Variants in PCDHA6 observed in about 807,000 individuals in gnomAD.
The protein encoded by PCDHA6 is protocadherin alpha-6.
Under a neutral mutation model 60.3 loss-of-function variants are expected in PCDHA6, and 55 were observed. That is an observed-to-expected ratio of 0.91 (90% CI 0.73 to 1.14). The LOEUF is 1.14. PCDHA6 is among the 50% of genes most tolerant of loss of function. The probability of loss-of-function intolerance (pLI) is 0.00; values close to 1 mark genes in which losing one functional copy is unlikely to be tolerated. For missense variants in PCDHA6, 1,327 were observed against 1,256.5 expected (o/e 1.06, Z -0.85); for synonymous variants, 652 against 557.9 (o/e 1.17, Z -2.38).
intron 1 of PCDHA6, chr5:140,861,513 T>C: frequency 2.1e-6 from 1 of 470,750 alleles, no homozygotes; most frequent in East Asian, 6.2e-5. Flanking sequence ...CGAGGAGCTG[T>C]GTGGGAGGAT....
chr5:140,930,781 CAATAT>C (rs1259470112), intron 1 of PCDHA6, among the ~76,000 whole-genome samples: 2 of 152,048 alleles, frequency 1.3e-5, no homozygotes, highest in African/African-American at 4.8e-5. Context: ...AATATTTTCA[CAATAT>C]AATAGAATCC....
Position 140,830,098 on chromosome 5 carries a change from G to A in PCDHA6, c.2007G>A (p.Leu669=). The part of the protein sequence containing the change: ...LTATATVLVS[L]VESGQAPKAS... ...CGACGGCCACGGTTCTGGTGTCGCT[G>A]GTGGAGAGTGGCCAGGCTCCAAAGG... is the stretch of plus-strand genomic sequence containing the variant. The change falls in exon 1 of 4, where the codon CTG becomes CTA. Residue 669 remains leucine, a synonymous_variant. Transcript: ENST00000529310. The A allele has an allele frequency of 1.9e-6, 3 of 1,613,644 alleles. No homozygotes were observed. The highest frequency in any genetic ancestry group is 2.5e-6 in the Non-Finnish European group (3 of 1,179,878).
At chr5:140,846,754 A>G (rs1430636894) in intron 1 of PCDHA6, among the ~76,000 whole-genome samples, 1 of 149,442 alleles carries the variant, frequency 6.7e-6, no homozygotes, top group Non-Finnish European at 1.5e-5. Context: ...ACAGATCTCT[A>G]ACAGCATATC....
intron 1 of PCDHA6, chr5:140,836,475 G>A: frequency 6.2e-7 from 1 of 1,613,846 alleles, no homozygotes; most frequent in Non-Finnish European, 8.5e-7. Context: ...GGATGTCAAC[G>A]TGTACCTGAT....
chr5:140,888,754 CT>C (rs782694187), intron 1 of PCDHA6, among the ~76,000 whole-genome samples: 16 of 148,604 alleles, frequency 1.1e-4, no homozygotes, highest in East Asian at 2.0e-4. Flanking sequence ...ATTCTACCCA[CT>C]TTTTTTTTTA....
At chr5:140,868,965 G>A (rs2050767308) in intron 1 of PCDHA6, 1 of 1,430,146 alleles carries the variant, frequency 7.0e-7, no homozygotes, top group Non-Finnish European at 9.4e-7. Flanking sequence ...CCATACAAAG[G>A]AACTCCATCA....
At position 140,829,335 on chromosome 5, in the gene PCDHA6, G is replaced by T. The variant is rs2150166074; in HGVS notation, c.1244G>T (p.Arg415Leu). 2.5e-6 allele frequency: 4 copies of T among 1,614,114 alleles called. No homozygotes were observed. In the African/African-American group the frequency reaches 5.3e-5, roughly 22 times the overall value. ...YSLVLDSALD[R>L]ESVSAYELVV... ...TTGGTGCTGGACAGTGCCCTGGACC[G>T]CGAGAGCGTGTCGGCCTATGAGTTG... The change falls in exon 1 of 4, where the codon CGC (arginine) becomes CTC (leucine). Residue 415 changes from arginine to leucine, a missense_variant. Arg to Leu is a moderately radical substitution (Grantham distance 102, BLOSUM62 -2). Transcript: ENST00000529310.
chr5:140,841,443 A>C (rs2150315650), intron 1 of PCDHA6: 1 of 1,612,892 alleles, frequency 6.2e-7, no homozygotes, highest in Admixed American at 1.7e-5. Context: ...GAGGCCAAAC[A>C]CGGCACCTTC....
chr5:140,883,494 T>C, intron 1 of PCDHA6: 1 of 1,614,208 alleles, frequency 6.2e-7, no homozygotes, highest in Non-Finnish European at 8.5e-7. Flanking sequence ...TCATTAGTGC[T>C]GGACAGCGCC....
chr5:140,966,042 G>T (rs1554228004), intron 1 of PCDHA6, among the ~76,000 whole-genome samples: 1 of 152,152 alleles, frequency 6.6e-6, no homozygotes, highest in Admixed American at 6.5e-5. Context: ...AGTTCCCATC[G>T]CCAGTAACCC....
At chr5:140,915,012 C>T (rs2076943122) in intron 1 of PCDHA6, among the ~76,000 whole-genome samples, 1 of 144,844 alleles carries the variant, frequency 6.9e-6, no homozygotes, top group Non-Finnish European at 1.5e-5. Context: ...GTGGCCTGAT[C>T]TTGGCTCACT....
chr5:140,900,167 T>C (rs756471243), intron 1 of PCDHA6, among the ~76,000 whole-genome samples: 1 of 152,238 alleles, frequency 6.6e-6, no homozygotes, highest in Non-Finnish European at 1.5e-5. Context: ...TGTCTTTCTG[T>C]GCCTGGTTTA....
intron 2 of PCDHA6, 148 bp from the exon 3 acceptor site, chr5:140,982,327 C>A: frequency 7.0e-7 from 1 of 1,419,146 alleles, no homozygotes; most frequent in South Asian, 1.4e-5. Context: ...AGGGTGACTG[C>A]TCAGCAGTAA....
At chr5:140,836,844 T>C (rs2150270736) in intron 1 of PCDHA6, 26 of 827,138 alleles carry the variant, frequency 3.1e-5, no homozygotes, top group African/African-American at 6.9e-5. Flanking sequence ...GCTTTATGTA[T>C]AATTATTATT....
At chr5:140,941,048 T>C (rs1157859382) in intron 1 of PCDHA6, among the ~76,000 whole-genome samples, 1 of 152,138 alleles carries the variant, frequency 6.6e-6, no homozygotes, top group African/African-American at 2.4e-5. Context: ...CAAGTCAAAT[T>C]CCCCAGCAGT....
rs1244863106 is a variant in PCDHA6, at chr5:140,828,163, G to T, written c.72G>T (p.Trp24Cys). 1.9e-6 allele frequency: 3 copies of T among 1,614,068 alleles called. No individual in the cohort carries two copies. Among genetic ancestry groups the T allele is most frequent in the Non-Finnish European group, 2.5e-6 (3 of 1,180,032 alleles). ...LLLPLLLLAA[W>C]KVGSGQLHYS... The stretch of plus-strand genomic sequence containing the variant: ...TCCCGCTTCTGCTCCTCGCAGCCTG[G>T]AAGGTGGGGAGCGGCCAGCTCCACT... The change falls in exon 1 of 4, where the codon TGG becomes TGT. Residue 24 changes from tryptophan to cysteine, a missense_variant. Transcript: ENST00000529310.
At chr5:140,920,960 A>C (rs1554200006) in intron 1 of PCDHA6, among the ~76,000 whole-genome samples, 1 of 151,930 alleles carries the variant, frequency 6.6e-6, no homozygotes, top group Admixed American at 6.6e-5. Flanking sequence ...CTACACATGT[A>C]GTACTAGAGT....
rs140423301 is a variant in PCDHA6 at position 140,995,612 on chromosome 5, C to T, written c.2542+13049C>T. Among the ~76,000 whole-genome samples, 11 of 152,156 alleles carry T rather than the reference C, an allele frequency of 7.2e-5. No individual in the cohort carries two copies. In the East Asian group the frequency reaches 2.1e-3, roughly 29 times the overall value. On this transcript the variant is annotated intron_variant, in intron 3 of 3. Transcript: ENST00000529310. ...AACTTAGTGTTTTTCTTCTCCCAAA[C>T]CAAATATTGGAAACTTTGGAGTGTT... is the stretch of plus-strand genomic sequence containing the variant.
chr5:140,877,389 G>T, intron 1 of PCDHA6: 1 of 1,613,994 alleles, frequency 6.2e-7, no homozygotes, highest in Non-Finnish European at 8.5e-7. Context: ...TCCTGGATGA[G>T]GCGGACGCTC....
Sources: allele counts gnomAD v4.1 joint callset (sites outside exome capture counted in the v4.1 genomes callset), GRCh38; gene constraint gnomAD v4.1.1; transcripts MANE v1.5; gene names NCBI Gene and HGNC (gene_info 2026-07-23, HGNC 2026-07-21).